Variants in PCDH15 observed in about 807,000 individuals in gnomAD.
The protein encoded by PCDH15 is protocadherin related 15.
Under a neutral mutation model 178.5 loss-of-function variants are expected in PCDH15, and 129 were observed. The observed-to-expected ratio is 0.72, with a 90% CI of 0.63 to 0.84. PCDH15 has a LOEUF of 0.84. Ranked by LOEUF, PCDH15 falls within the 40% of genes least tolerant of loss-of-function variation. PCDH15 has a pLI of 0.00. For synonymous variants in PCDH15, 800 were observed against 732.0 expected (o/e 1.09, Z -1.50); for missense variants, 2,230 against 2,099.9 (o/e 1.06, Z -1.21).
At chr10:55,440,971 C>G (rs776916282) in intron 2 of PCDH15, among the ~76,000 whole-genome samples, 7 of 152,076 alleles carry the variant, frequency 4.6e-5, no homozygotes, top group African/African-American at 1.7e-4. Context: ...AGGGCAACTG[C>G]CCCCCATGAT....
chr10:54,008,410 G>A (rs2092455911), intron 20 of PCDH15, among the ~76,000 whole-genome samples: 1 of 152,134 alleles, frequency 6.6e-6, no homozygotes, highest in African/African-American at 2.4e-5. Context: ...GAAATAAAGG[G>A]ATGTTGAGGC....
intron 2 of PCDH15, among the ~76,000 whole-genome samples, chr10:55,152,505 G>C (rs999384315): frequency 6.6e-6 from 1 of 152,168 alleles, no homozygotes; most frequent in African/African-American, 2.4e-5. Flanking sequence ...GCAGAAGCTT[G>C]AGGTCATAGA....
chr10:54,273,361 GGAA>G (rs1243086844), intron 8 of PCDH15, among the ~76,000 whole-genome samples: 3 of 133,326 alleles, frequency 2.3e-5, no homozygotes, highest in Non-Finnish European at 5.0e-5. Flanking sequence ...AGAGAAAAAA[GGAA>G]GTAGTACAGT....
At chr10:55,029,094 T>C (rs1007042265) in intron 2 of PCDH15, among the ~76,000 whole-genome samples, 37 of 151,776 alleles carry the variant, frequency 2.4e-4, no homozygotes, top group African/African-American at 9.0e-4. Context: ...TAAGTTGCCC[T>C]GTACGTTTGA....
intron 2 of PCDH15, among the ~76,000 whole-genome samples, chr10:55,613,076 T>G (rs1843403835): frequency 1.4e-5 from 2 of 140,150 alleles, no homozygotes. Flanking sequence ...CAGGCTGGAG[T>G]GCAGTGGCAC....
At chr10:55,510,062 T>C (rs1438048055) in intron 2 of PCDH15, among the ~76,000 whole-genome samples, 14 of 152,118 alleles carry the variant, frequency 9.2e-5, no homozygotes, top group South Asian at 2.1e-4. Flanking sequence ...TCATAATATA[T>C]AACAGATTAA....
At chr10:54,822,349 A>AT (rs1953058231) in intron 3 of PCDH15, among the ~76,000 whole-genome samples, 1 of 151,952 alleles carries the variant, frequency 6.6e-6, no homozygotes, top group Non-Finnish European at 1.5e-5. Flanking sequence ...CATGAGGTCA[A>AT]TTTTTTTAGC....
chr10:53,807,072 G>T lies in PCDH15; in HGVS notation c.4730C>A (p.Thr1577Asn), dbSNP rs1184385744. ...VVDREYETSS[T>N]GEDSAPECQR... Reference sequence around the variant, plus strand: ...ACATTCAGGAGCACTGTCTTCTCCAGTTGAGCTGGTTTCATACTCTCGATC... The same window carrying T: ...ACATTCAGGAGCACTGTCTTCTCCATTTGAGCTGGTTTCATACTCTCGATC... Residue 1577 changes from threonine to asparagine, a missense_variant, in exon 38 of 38, where the codon ACT (threonine) becomes AAT (asparagine). Coordinates refer to ENST00000644397, the MANE Select transcript of PCDH15 (RefSeq NM_001384140.1). 3.7e-6 allele frequency: 6 copies of T among 1,607,234 alleles called. No individual in the cohort carries two copies. The highest frequency in any genetic ancestry group is 2.2e-5 in the South Asian group (2 of 91,020).
At chr10:55,222,730 C>CATATATATATATAT (rs142618720) in intron 1 of PCDH15, among the ~76,000 whole-genome samples, 144 of 121,146 alleles carry the variant, frequency 1.2e-3, no homozygotes, top group Middle Eastern at 4.2e-3. Flanking sequence ...CACACACACA[C>CATATATATATATAT]ATATATATAT....
intron 2 of PCDH15, among the ~76,000 whole-genome samples, chr10:54,565,488 G>T (rs908352094): frequency 5.9e-5 from 9 of 152,090 alleles, no homozygotes; most frequent in African/African-American, 2.2e-4. Context: ...GTATTTATAG[G>T]TTGAAACTTT....
chr10:54,762,952 C>T (rs1201250680), intron 1 of PCDH15, among the ~76,000 whole-genome samples: 2 of 152,048 alleles, frequency 1.3e-5, no homozygotes, highest in Non-Finnish European at 1.5e-5. Flanking sequence ...TATTCTTTTT[C>T]GCTTTTAAAG....
intron 23 of PCDH15, among the ~76,000 whole-genome samples, chr10:53,947,129 A>C (rs2134140250): frequency 6.6e-6 from 1 of 152,242 alleles, no homozygotes; most frequent in Non-Finnish European, 1.5e-5. Flanking sequence ...GATTACAATA[A>C]ATCTTTCAAC....
chr10:53,961,924 G>T, intron 21 of PCDH15, 32 bp from the exon 22 acceptor site: 1 of 1,554,324 alleles, frequency 6.4e-7, no homozygotes, highest in Non-Finnish European at 8.9e-7. Context: ...TTAATTTGCT[G>T]TTACCAAGTT....
intron 1 of PCDH15, among the ~76,000 whole-genome samples, chr10:54,754,022 G>T (rs1445639548): frequency 2.0e-5 from 3 of 151,024 alleles, no homozygotes; most frequent in African/African-American, 7.3e-5. Flanking sequence ...TAGAGACAGG[G>T]TTTCACCGTG....
At chr10:55,019,959 C>G (rs1340623499) in intron 2 of PCDH15, among the ~76,000 whole-genome samples, 1 of 151,716 alleles carries the variant, frequency 6.6e-6, no homozygotes, top group Non-Finnish European at 1.5e-5. Flanking sequence ...TCTTGAACCC[C>G]CAGCCAAATC....
At chr10:54,672,830 T>C (rs563835631) in intron 1 of PCDH15, among the ~76,000 whole-genome samples, 1 of 152,282 alleles carries the variant, frequency 6.6e-6, no homozygotes, top group African/African-American at 2.4e-5. Flanking sequence ...TTTTGAGCTA[T>C]AACTCAGTCA....
intron 3 of PCDH15, among the ~76,000 whole-genome samples, chr10:54,454,431 T>A (rs1589493831): frequency 6.8e-6 from 1 of 146,224 alleles, no homozygotes; most frequent in Admixed American, 6.9e-5. Flanking sequence ...TTAAACATTA[T>A]TAATATTTAT....
At chr10:54,518,616 G>A (rs929926481) in intron 3 of PCDH15, among the ~76,000 whole-genome samples, 3 of 152,130 alleles carry the variant, frequency 2.0e-5, no homozygotes, top group Non-Finnish European at 2.9e-5. Context: ...ATTCACAGCC[G>A]AATTCTACCA....
intron 11 of PCDH15, among the ~76,000 whole-genome samples, chr10:54,191,929 A>C (rs7904199): frequency 0.27 from 39,761 of 147,046 alleles, 6,074 homozygotes; most frequent in Non-Finnish European, 0.36. Flanking sequence ...AAAAGAAAGA[A>C]AAGCAAGGGA....
Sources: gnomAD v4.1 joint callset for allele counts (sites outside exome capture counted in the v4.1 genomes callset) on GRCh38, gnomAD v4.1.1 for gene constraint, MANE v1.5 for transcripts, NCBI Gene and HGNC (gene_info 2026-07-23, HGNC 2026-07-21) for gene names.